DAPK1: variants seen among roughly 807,000 people sequenced by gnomAD.
DAPK1 encodes death-associated protein kinase 1.
DAPK1 carries 56 observed loss-of-function variants against 144.9 expected under a neutral mutation model. The ratio of observed to expected loss-of-function variants is 0.39; its 90% CI spans 0.31 to 0.48. DAPK1 has a LOEUF of 0.48. DAPK1 is among the 20% of genes least tolerant of loss of function. The pLI is 0.95. For missense variants in DAPK1, 1,454 were observed against 1,875.4 expected, an observed-to-expected ratio of 0.78 and a Z score of 4.15; for synonymous variants, 690 against 749.0, an observed-to-expected ratio of 0.92 and a Z score of 1.29.
At chr9:87,556,997 C>T (rs900556405) in intron 2 of DAPK1, among the ~76,000 whole-genome samples, 2 of 152,130 alleles carry the variant, frequency 1.3e-5, no homozygotes, top group African/African-American at 4.8e-5. Flanking sequence ...AGTTGACCTT[C>T]GGCTTTCCCC....
chr9:87,516,126 AC>A (rs1825044880), intron 2 of DAPK1, among the ~76,000 whole-genome samples: 1 of 151,572 alleles, frequency 6.6e-6, no homozygotes, highest in Admixed American at 6.6e-5. Flanking sequence ...CTTGGAGTTC[AC>A]TCTCTGGCTG....
intron 2 of DAPK1, among the ~76,000 whole-genome samples, chr9:87,526,320 G>T (rs917980332): frequency 1.3e-5 from 2 of 152,140 alleles, no homozygotes; most frequent in Non-Finnish European, 2.9e-5. Flanking sequence ...TAGAGTTAAT[G>T]CTCCCCACCT....
intron 2 of DAPK1, among the ~76,000 whole-genome samples, chr9:87,589,818 A>C (rs906924939): frequency 6.6e-6 from 1 of 152,158 alleles, no homozygotes; most frequent in Non-Finnish European, 1.5e-5. Context: ...GGATGTCCTG[A>C]AAAATACCTT....
At chr9:87,539,727 A>G (rs545004566) in intron 2 of DAPK1, among the ~76,000 whole-genome samples, 2 of 151,966 alleles carry the variant, frequency 1.3e-5, no homozygotes, top group African/African-American at 4.8e-5. Context: ...CAAATTTCAC[A>G]CCTTTCTGAG....
intron 2 of DAPK1, chr9:87,525,590 C>T (rs17477673): frequency 0.56 from 432,548 of 767,074 alleles, 126,253 homozygotes; most frequent in East Asian, 0.86. Flanking sequence ...GTTGAATAAA[C>T]GAAGGCCAAA....
At chr9:87,519,256 T>G (rs1294268474) in intron 2 of DAPK1, among the ~76,000 whole-genome samples, 2 of 152,192 alleles carry the variant, frequency 1.3e-5, no homozygotes, top group African/African-American at 4.8e-5. Flanking sequence ...TTACCTTCAT[T>G]CCTCTTCTCA....
chr9:87,670,922 G>T (rs1831228908), intron 19 of DAPK1, among the ~76,000 whole-genome samples: 1 of 152,172 alleles, frequency 6.6e-6, no homozygotes, highest in Non-Finnish European at 1.5e-5. Context: ...TGCTGCCCAT[G>T]CCCCCTTAGC....
chr9:87,648,176 A>G (rs762330944), intron 14 of DAPK1, among the ~76,000 whole-genome samples: 12 of 152,236 alleles, frequency 7.9e-5, no homozygotes, highest in Non-Finnish European at 1.6e-4. Context: ...TGGCAACACT[A>G]TATCTTGTTT....
At chr9:87,690,673 G>C (rs1825022996) in intron 21 of DAPK1, among the ~76,000 whole-genome samples, 1 of 151,912 alleles carries the variant, frequency 6.6e-6, no homozygotes, top group African/African-American at 2.4e-5. Context: ...CCTTTATTAT[G>C]TTGAGGTATG....
chr9:87,509,692 A>T (rs1460502616), intron 2 of DAPK1, among the ~76,000 whole-genome samples: 1 of 152,150 alleles, frequency 6.6e-6, no homozygotes, highest in African/African-American at 2.4e-5. Context: ...TGCACTTGGG[A>T]TGGGAATATA....
intron 2 of DAPK1, among the ~76,000 whole-genome samples, chr9:87,567,714 A>G (rs1163403896): frequency 1.3e-5 from 2 of 152,072 alleles, no homozygotes; most frequent in Non-Finnish European, 2.9e-5. Context: ...TTGCACTCAT[A>G]GGGCTACCAC....
At chr9:87,673,834 A>G (rs908395016) in intron 19 of DAPK1, among the ~76,000 whole-genome samples, 3 of 152,054 alleles carry the variant, frequency 2.0e-5, no homozygotes, top group African/African-American at 7.2e-5. Flanking sequence ...AAGGTTGTTG[A>G]TAGGTTCATC....
intron 2 of DAPK1, among the ~76,000 whole-genome samples, chr9:87,519,405 GT>G (rs1478977355): frequency 6.6e-6 from 1 of 152,204 alleles, no homozygotes; most frequent in African/African-American, 2.4e-5. Flanking sequence ...AATGGCAATT[GT>G]ATTGCCCCGG....
chr9:87,685,551 C>T (rs1293361168), intron 20 of DAPK1, among the ~76,000 whole-genome samples: 1 of 152,168 alleles, frequency 6.6e-6, no homozygotes, highest in Non-Finnish European at 1.5e-5. Context: ...CCCTGGGTCA[C>T]AGCCCTGACC....
chr9:87,651,285 G>A (rs1830434817), intron 16 of DAPK1, among the ~76,000 whole-genome samples: 1 of 152,184 alleles, frequency 6.6e-6, no homozygotes, highest in African/African-American at 2.4e-5. Flanking sequence ...AAGCCTAAAT[G>A]AATCAAGCTA....
chr9:87,557,798 C>T (rs928357341), intron 2 of DAPK1, among the ~76,000 whole-genome samples: 3 of 152,024 alleles, frequency 2.0e-5, no homozygotes, highest in African/African-American at 2.4e-5. Flanking sequence ...TAAATTAGCT[C>T]GGTGTGGTGG....
rs369180091 is a variant in DAPK1 at position 87,510,689 on chromosome 9, G to A, written c.62+11550G>A. Among the ~76,000 whole-genome samples, 26 of 152,338 alleles carry A rather than the reference G, an allele frequency of 1.7e-4. No homozygotes were observed. In the East Asian group the frequency reaches 2.3e-3, roughly 14 times the overall value. Reference sequence around the variant, plus strand: ...TGGAATTCAGCTAAGTGCACGGTAAGCCATGTTTATTTCGTTGCCTTATAA... The same window carrying A: ...TGGAATTCAGCTAAGTGCACGGTAAACCATGTTTATTTCGTTGCCTTATAA... On this transcript the variant is annotated intron_variant, in intron 2 of 25. Transcript: ENST00000408954.
chr9:87,707,199 C>T lies in DAPK1; in HGVS notation c.4128C>T (p.Leu1376=). ...TTYPESTVGT[L]MSKLRELGRR... ...ACCCTGAGAGCACAGTGGGCACCCT[C>T]ATGTCCAAACTGAGGGAGCTGGGTC... is the stretch of plus-strand genomic sequence containing the variant. The change falls in exon 26 of 26, where the codon CTC becomes CTT. Residue 1376 remains leucine, a synonymous_variant. Transcript: ENST00000408954. This position sits in a 1 kb window ranked among gnomAD's most constrained non-coding sequence, Gnocchi z 4.0. The T allele has an allele frequency of 6.2e-7, 1 of 1,614,222 alleles. No homozygotes were observed. Among genetic ancestry groups the T allele is most frequent in the South Asian group, 1.1e-5 (1 of 91,090 alleles).
At chr9:87,694,357 A>T (rs1460175179) in intron 21 of DAPK1, among the ~76,000 whole-genome samples, 1 of 152,110 alleles carries the variant, frequency 6.6e-6, no homozygotes, top group Non-Finnish European at 1.5e-5. Context: ...GGGCTAGGTG[A>T]TCCCCAGGTC....
Sources: gnomAD v4.1 joint callset for allele counts (sites outside exome capture counted in the v4.1 genomes callset) on GRCh38, gnomAD v4.1.1 for gene constraint, Gnocchi (gnomAD v3.1) non-coding constraint, MANE v1.5 for transcripts, NCBI Gene and HGNC (gene_info 2026-07-23, HGNC 2026-07-21) for gene names.